The following LCORL variants were observed in gnomAD, a reference collection of about 807,000 sequenced individuals.
LCORL encodes the protein ligand-dependent nuclear receptor corepressor-like protein.
Under a neutral mutation model 141.8 loss-of-function variants are expected in LCORL, and 41 were observed. That is an observed-to-expected ratio of 0.29 (90% CI 0.23 to 0.38). The LOEUF (loss-of-function observed/expected upper bound fraction) is 0.38, where lower values mean the gene tolerates loss of function less well. Among genes scored for constraint, LCORL ranks in the 10% least tolerant of loss-of-function variants. LCORL has a pLI of 1.00. For missense variants in LCORL, 1,759 were observed against 2,035.0 expected (o/e 0.86, Z 2.61); for synonymous variants, 618 against 694.1 (o/e 0.89, Z 1.72).
intron 1 of LCORL, among the ~76,000 whole-genome samples, chr4:18,007,431 T>C (rs1333636576): frequency 1.3e-5 from 2 of 152,212 alleles, no homozygotes; most frequent in African/African-American, 4.8e-5. Context: ...TGATTGTTCA[T>C]GGACTCATAT....
At chr4:18,015,097 A>G in intron 1 of LCORL, among the ~76,000 whole-genome samples, 1 of 152,252 alleles carries the variant, frequency 6.6e-6, no homozygotes, top group Non-Finnish European at 1.5e-5. Context: ...GTTACATAAC[A>G]TAACCAAAAA....
chr4:17,926,336 C>T (rs1735142968), intron 4 of LCORL, among the ~76,000 whole-genome samples: 1 of 152,174 alleles, frequency 6.6e-6, no homozygotes, highest in Non-Finnish European at 1.5e-5. Context: ...AATCAGCTGC[C>T]AGCTCGGCTA....
At chr4:17,903,020 A>G (rs1731109309) in intron 5 of LCORL, among the ~76,000 whole-genome samples, 1 of 152,112 alleles carries the variant, frequency 6.6e-6, no homozygotes, top group Non-Finnish European at 1.5e-5. Context: ...ATATTTCAGA[A>G]TATTTTGCAA....
intron 4 of LCORL, among the ~76,000 whole-genome samples, chr4:17,943,702 T>G (rs1299448782): frequency 6.6e-6 from 1 of 152,214 alleles, no homozygotes; most frequent in East Asian, 1.9e-4. Flanking sequence ...ACAGATTTGA[T>G]GGTCTCAATA....
chr4:17,949,248 C>T (rs1226082052), intron 4 of LCORL, among the ~76,000 whole-genome samples: 2 of 152,036 alleles, frequency 1.3e-5, no homozygotes, highest in Non-Finnish European at 2.9e-5. Context: ...GAGGCCAGAT[C>T]CCTCCTCTCC....
chr4:17,989,029 G>T (rs1428030118), intron 1 of LCORL, among the ~76,000 whole-genome samples: 1 of 152,094 alleles, frequency 6.6e-6, no homozygotes, highest in Non-Finnish European at 1.5e-5. Context: ...CTTTCTTTTT[G>T]GTTTCCATGG....
intron 4 of LCORL, among the ~76,000 whole-genome samples, chr4:17,957,503 G>C (rs912029320): frequency 3.9e-5 from 6 of 151,920 alleles, no homozygotes; most frequent in Non-Finnish European, 5.9e-5. Context: ...ATTGTAAAGG[G>C]GTAGGAGACT....
intron 5 of LCORL, among the ~76,000 whole-genome samples, chr4:17,899,540 C>A (rs1174700500): frequency 2.0e-5 from 3 of 152,078 alleles, no homozygotes; most frequent in African/African-American, 7.2e-5. Flanking sequence ...CTTGGCAGAA[C>A]CTAGTAAGTC....
chr4:17,962,937 G>T, intron 3 of LCORL, 33 bp downstream of exon 3: 1 of 1,239,916 alleles, frequency 8.1e-7, no homozygotes, highest in Non-Finnish European at 1.1e-6. Context: ...TTGTGCATTA[G>T]TTTAAAGATA....
At position 18,021,686 on chromosome 4, in the gene LCORL, A is replaced by AGCGGCGGCAGCG; in HGVS notation, c.65_66insCGCTGCCGCCGC (p.Ala19_Ala22dup). 1 of 1,533,502 alleles carries AGCGGCGGCAGCG rather than the reference A, an allele frequency of 6.5e-7. No individual in the cohort carries two copies. Among genetic ancestry groups the AGCGGCGGCAGCG allele is most frequent in the South Asian group, 1.2e-5 (1 of 82,736 alleles). The allele number at this position is 1,533,502 out of a possible 1,614,324, so 95.0% of individuals were successfully genotyped here. On this transcript the variant is annotated inframe_insertion, in exon 1 of 8. Coordinates refer to ENST00000635767, the Ensembl canonical transcript of LCORL. The surrounding 1 kb of genome is among the most constrained non-coding windows in gnomAD (Gnocchi z 5.5). ...CCGCGCACCGAGGGCTCCGGCACTG[A>AGCGGCGGCAGCG]GCGGCGGCGGCGGCGGCGGCAGCAG... is the stretch of plus-strand genomic sequence containing the variant.
At chr4:18,000,014 T>A (rs1721657637) in intron 1 of LCORL, among the ~76,000 whole-genome samples, 1 of 152,190 alleles carries the variant, frequency 6.6e-6, no homozygotes, top group African/African-American at 2.4e-5. Flanking sequence ...TTAAAAACTT[T>A]TAGCACAATT....
chr4:17,913,078 G>C (rs1233762957), intron 4 of LCORL: 1 of 231,342 alleles, frequency 4.3e-6, no homozygotes, highest in Non-Finnish European at 8.6e-6. Context: ...AGATGATGTT[G>C]AAGATAAAGC....
intron 7 of LCORL, among the ~76,000 whole-genome samples, chr4:17,855,292 A>G (rs887144988): frequency 6.6e-6 from 1 of 152,186 alleles, no homozygotes; most frequent in African/African-American, 2.4e-5. Flanking sequence ...AAATATATAA[A>G]TATGATTCAG....
At chr4:17,990,376 G>A (rs1452210594) in intron 1 of LCORL, among the ~76,000 whole-genome samples, 7 of 143,472 alleles carry the variant, frequency 4.9e-5, no homozygotes, top group Non-Finnish European at 9.0e-5. Flanking sequence ...TCGGATTACA[G>A]GCATGAGCCA....
At chr4:18,013,294 T>C (rs1170407763) in intron 1 of LCORL, among the ~76,000 whole-genome samples, 1 of 152,364 alleles carries the variant, frequency 6.6e-6, no homozygotes, top group African/African-American at 2.4e-5. Flanking sequence ...AGTCACCTAC[T>C]AGTTATACTA....
At chr4:17,922,438 T>C (rs896498241) in intron 4 of LCORL, among the ~76,000 whole-genome samples, 12 of 152,160 alleles carry the variant, frequency 7.9e-5, no homozygotes. Flanking sequence ...CATAATACAT[T>C]TGACCATATG....
At chr4:17,959,195 A>G (rs1472566508) in intron 4 of LCORL, among the ~76,000 whole-genome samples, 2 of 152,058 alleles carry the variant, frequency 1.3e-5, no homozygotes, top group Admixed American at 1.3e-4. Flanking sequence ...GGCCACATGA[A>G]GAAAAAATAG....
At chr4:17,851,777 A>C (rs995465252) in intron 7 of LCORL, among the ~76,000 whole-genome samples, 1 of 152,202 alleles carries the variant, frequency 6.6e-6, no homozygotes, top group African/African-American at 2.4e-5. Context: ...ACCATTTTAC[A>C]GTCTAACCAA....
intron 4 of LCORL, among the ~76,000 whole-genome samples, chr4:17,933,649 G>A (rs1342562658): frequency 1.3e-5 from 2 of 151,942 alleles, no homozygotes; most frequent in Non-Finnish European, 2.9e-5. Context: ...GTGTTATGAT[G>A]TACTATTCTT....
Sources: gnomAD v4.1 joint callset for allele counts (sites outside exome capture counted in the v4.1 genomes callset) on GRCh38, gnomAD v4.1.1 for gene constraint, Gnocchi (gnomAD v3.1) non-coding constraint, MANE v1.5 for transcripts, NCBI Gene and HGNC (gene_info 2026-07-23, HGNC 2026-07-21) for gene names.